Variants in AP1S3 observed in about 807,000 individuals in gnomAD.
AP1S3 encodes AP-1 complex subunit sigma-3.
In AP1S3, 10 loss-of-function variants were observed where a neutral mutation model predicts 20.9. The ratio of observed to expected loss-of-function variants is 0.48; its 90% CI spans 0.29 to 0.81. AP1S3 has a LOEUF of 0.81. AP1S3 is among the 30% of genes least tolerant of loss of function. The pLI is 0.08. For synonymous variants in AP1S3, 41 were observed against 61.5 expected (o/e 0.67, Z 1.56); for missense variants, 154 against 183.8 (o/e 0.84, Z 0.94).
intron 1 of AP1S3, among the ~76,000 whole-genome samples, chr2:223,823,317 T>C (rs1290561727): frequency 1.3e-5 from 2 of 152,212 alleles, no homozygotes; most frequent in African/African-American, 4.8e-5. Flanking sequence ...CTCTTCACAA[T>C]GGCCCAAGCT....
intron 2 of AP1S3, among the ~76,000 whole-genome samples, chr2:223,776,334 T>G (rs1559279065): frequency 1.3e-5 from 2 of 152,220 alleles, no homozygotes; most frequent in Non-Finnish European, 2.9e-5. Context: ...TGTCAATTGT[T>G]TTTTGTAAAA....
In AP1S3 at chr2:223,790,492, C is replaced by G. The variant is rs530351633; in HGVS notation, c.4-12623G>C. 8.5e-5 allele frequency among the ~76,000 whole-genome samples: 13 copies of G among 152,210 alleles called. No individual in the cohort carries two copies. The South Asian group carries it at 1.7e-3, about 19-fold the overall frequency. ...TCAGTGATTCACGTGCCTCGGCCTC[C>G]CAAAGTGCTGAGATTACAGGCGTGA... On this transcript the variant is annotated intron_variant, in intron 1 of 4. Transcript: ENST00000396654.
At chr2:223,762,098 G>C (rs534645327) in intron 4 of AP1S3, among the ~76,000 whole-genome samples, 1 of 148,652 alleles carries the variant, frequency 6.7e-6, no homozygotes, top group African/African-American at 2.5e-5. Flanking sequence ...TCAGCCTCCT[G>C]AGTAGCTGGG....
chr2:223,786,173 T>C (rs1157259413), intron 1 of AP1S3, among the ~76,000 whole-genome samples: 1 of 152,348 alleles, frequency 6.6e-6, no homozygotes, highest in African/African-American at 2.4e-5. Flanking sequence ...AAGTATCTCC[T>C]AGCTACACAA....
chr2:223,762,840 A>G (rs1188403900), intron 4 of AP1S3, among the ~76,000 whole-genome samples: 1 of 152,182 alleles, frequency 6.6e-6, no homozygotes, highest in Non-Finnish European at 1.5e-5. Flanking sequence ...GGGGCTACTG[A>G]AGATTGACAG....
chr2:223,799,720 CATTAGAAA>C, intron 1 of AP1S3, among the ~76,000 whole-genome samples: 1 of 152,114 alleles, frequency 6.6e-6, no homozygotes, highest in African/African-American at 2.4e-5. Context: ...AAAATTCTAG[CATTAGAAA>C]GGACAATAAA....
At chr2:223,782,501 T>C (rs1237524031) in intron 1 of AP1S3, among the ~76,000 whole-genome samples, 1 of 152,054 alleles carries the variant, frequency 6.6e-6, no homozygotes, top group Non-Finnish European at 1.5e-5. Context: ...TATTGAGAGG[T>C]GTAACTATTG....
chr2:223,817,047 C>T (rs1691859528), intron 1 of AP1S3, among the ~76,000 whole-genome samples: 1 of 152,124 alleles, frequency 6.6e-6, no homozygotes, highest in African/African-American at 2.4e-5. Flanking sequence ...ATCACTTGAA[C>T]CTGGGAGACG....
At chr2:223,760,134 T>C (rs1242913544) in intron 4 of AP1S3, among the ~76,000 whole-genome samples, 1 of 152,148 alleles carries the variant, frequency 6.6e-6, no homozygotes, top group Non-Finnish European at 1.5e-5. Context: ...TTGCACACTC[T>C]CCTACTTTAA....
chr2:223,794,045 G>T (rs556361324), intron 1 of AP1S3, among the ~76,000 whole-genome samples: 4 of 152,192 alleles, frequency 2.6e-5, no homozygotes, highest in Non-Finnish European at 5.9e-5. Flanking sequence ...ATCACCTTTG[G>T]ATTAAAGAGG....
At chr2:223,829,939 C>T (rs888106852) in intron 1 of AP1S3, among the ~76,000 whole-genome samples, 26 of 152,140 alleles carry the variant, frequency 1.7e-4, no homozygotes, top group African/African-American at 6.3e-4. Flanking sequence ...TACTGAAAGA[C>T]TGTAGGGTCC....
chr2:223,825,427 C>G (rs573910989), intron 1 of AP1S3, among the ~76,000 whole-genome samples: 1 of 152,176 alleles, frequency 6.6e-6, no homozygotes, highest in Non-Finnish European at 1.5e-5. Context: ...CTGACCCCTT[C>G]CCTCTCACAC....
intron 1 of AP1S3, among the ~76,000 whole-genome samples, chr2:223,827,633 AC>A (rs200077978): frequency 6.7e-6 from 1 of 149,856 alleles, no homozygotes; most frequent in East Asian, 2.0e-4. Context: ...TGATCTACCC[AC>A]CTCACCCTCC....
chr2:223,797,368 C>G (rs1172407794), intron 1 of AP1S3, among the ~76,000 whole-genome samples: 1 of 152,186 alleles, frequency 6.6e-6, no homozygotes, highest in Non-Finnish European at 1.5e-5. Flanking sequence ...AAAAACATGT[C>G]AATCACTGTT....
At chr2:223,819,772 G>T (rs1691945349) in intron 1 of AP1S3, among the ~76,000 whole-genome samples, 1 of 152,108 alleles carries the variant, frequency 6.6e-6, no homozygotes, top group East Asian at 1.9e-4. Context: ...TATTATAGAA[G>T]CACTCATGTT....
chr2:223,766,542 A>C (rs547035675), intron 3 of AP1S3, among the ~76,000 whole-genome samples: 1 of 152,344 alleles, frequency 6.6e-6, no homozygotes, highest in African/African-American at 2.4e-5. Context: ...GATCATTAAA[A>C]AGTCAGGAAA....
At chr2:223,832,135 CTGTG>C (rs774812162) in intron 1 of AP1S3, among the ~76,000 whole-genome samples, 3,365 of 70,650 alleles carry the variant, frequency 0.048, 129 homozygotes, top group Middle Eastern at 0.097. Context: ...AGTTTTCTCT[CTGTG>C]TGTGTGTGTG....
At chr2:223,800,213 T>C (rs1490326980) in intron 1 of AP1S3, among the ~76,000 whole-genome samples, 1 of 132,816 alleles carries the variant, frequency 7.5e-6, no homozygotes, top group Non-Finnish European at 1.6e-5. Flanking sequence ...AGATTGCGTC[T>C]AAAAAAAAAA....
chr2:223,821,101 C>T lies in AP1S3; in HGVS notation c.3+16347G>A, dbSNP rs148049284. On this transcript the variant is annotated intron_variant, in intron 1 of 4. Coordinates refer to ENST00000396654, the MANE Select transcript of AP1S3 (RefSeq NM_001039569.2). The stretch of plus-strand genomic sequence containing the variant: ...AGCTGCTCTAGGTATGGATGCCTTC[C>T]CTCCCTGGAGCAGAAGCATAATCAG... Among the ~76,000 whole-genome samples the T allele has an allele frequency of 3.9e-5, 6 of 152,318 alleles. No homozygotes were observed. In the East Asian group the frequency reaches 1.2e-3, roughly 29 times the overall value.
Sources: gnomAD v4.1 joint callset for allele counts (sites outside exome capture counted in the v4.1 genomes callset) on GRCh38, gnomAD v4.1.1 for gene constraint, MANE v1.5 for transcripts, NCBI Gene and HGNC (gene_info 2026-07-23, HGNC 2026-07-21) for gene names.